CNTN4: variants seen among roughly 807,000 people sequenced by gnomAD.
The protein encoded by CNTN4 is contactin-4.
CNTN4 carries 77 observed loss-of-function variants against 122.5 expected under a neutral mutation model. The observed-to-expected ratio is 0.63, with a 90% CI of 0.52 to 0.76. The LOEUF (loss-of-function observed/expected upper bound fraction) is 0.76, where lower values mean the gene tolerates loss of function less well. CNTN4 is among the 30% of genes least tolerant of loss of function. CNTN4 has a pLI of 0.00. For synonymous variants in CNTN4, 512 were observed against 447.0 expected, an observed-to-expected ratio of 1.15 and a Z score of -1.83; for missense variants, 1,256 against 1,259.1, an observed-to-expected ratio of 1.00 and a Z score of 0.04.
chr3:2,410,668 G>A (rs925259687), intron 3 of CNTN4, among the ~76,000 whole-genome samples: 5 of 152,156 alleles, frequency 3.3e-5, no homozygotes, highest in East Asian at 1.9e-4. Flanking sequence ...TCTGAAGAAT[G>A]TATCAGCACA....
chr3:2,362,171 A>T (rs2045177080), intron 3 of CNTN4: 1 of 162,652 alleles, frequency 6.1e-6, no homozygotes, highest in Non-Finnish European at 1.3e-5. Flanking sequence ...CAGGGCCCAG[A>T]TCTATCAGGG....
At chr3:2,654,058 G>A (rs1291910209) in intron 4 of CNTN4, among the ~76,000 whole-genome samples, 1 of 152,186 alleles carries the variant, frequency 6.6e-6, no homozygotes, top group Non-Finnish European at 1.5e-5. Flanking sequence ...AGTGATGATA[G>A]AGCTTACAGT....
At chr3:2,927,114 G>A (rs2094480207) in intron 13 of CNTN4, among the ~76,000 whole-genome samples, 1 of 150,918 alleles carries the variant, frequency 6.6e-6, no homozygotes, top group African/African-American at 2.4e-5. Flanking sequence ...CATTTTAAAA[G>A]TTTTAATTTT....
chr3:2,523,553 G>C (rs567178516), intron 3 of CNTN4, among the ~76,000 whole-genome samples: 1 of 152,078 alleles, frequency 6.6e-6, no homozygotes, highest in Admixed American at 6.6e-5. Context: ...TTTTCTGAAA[G>C]ATTTATGCCT....
At chr3:2,777,069 C>T (rs1268562854) in intron 6 of CNTN4, among the ~76,000 whole-genome samples, 1 of 152,122 alleles carries the variant, frequency 6.6e-6, no homozygotes, top group African/African-American at 2.4e-5. Flanking sequence ...CAACCTCTGC[C>T]TCCCAGGTTC....
rs115415267 is a variant in CNTN4 at position 2,498,051 on chromosome 3, T to A, written c.-88-73365T>A. 8.0e-3 allele frequency among the ~76,000 whole-genome samples: 1,225 copies of A among 152,294 alleles called. 22 individuals carry two copies. The highest frequency in any genetic ancestry group is 0.028 in the African/African-American group (1,173 of 41,564). ...TAGAAATATAGTAAGTCAATGGTAGTAAAAAGTTGTTTATATCATGATATA... is the reference window on the plus strand; with the variant it reads ...TAGAAATATAGTAAGTCAATGGTAGAAAAAAGTTGTTTATATCATGATATA... On this transcript the variant is annotated intron_variant, in intron 3 of 24. Coordinates refer to ENST00000418658, the MANE Select transcript of CNTN4 (RefSeq NM_175607.3).
intron 2 of CNTN4, among the ~76,000 whole-genome samples, chr3:2,338,260 T>G (rs556845222): frequency 1.3e-5 from 2 of 152,054 alleles, no homozygotes; most frequent in African/African-American, 4.8e-5. Flanking sequence ...GTTAGGTATT[T>G]AATATAGAGA....
At chr3:2,943,380 G>A (rs112798162) in intron 13 of CNTN4, among the ~76,000 whole-genome samples, 1 of 151,932 alleles carries the variant, frequency 6.6e-6, no homozygotes, top group Admixed American at 6.6e-5. Context: ...ATTAGCCCAG[G>A]GAGAACAGGA....
intron 2 of CNTN4, among the ~76,000 whole-genome samples, chr3:2,128,411 T>C (rs1398639727): frequency 6.6e-6 from 1 of 152,228 alleles, no homozygotes; most frequent in South Asian, 2.1e-4. Context: ...GAATTATCAT[T>C]ACTGTTTTAC....
chr3:2,535,139 C>T (rs377142262), intron 3 of CNTN4, among the ~76,000 whole-genome samples: 87 of 152,180 alleles, frequency 5.7e-4, no homozygotes, highest in African/African-American at 1.2e-3. Context: ...GTCCTCTTTG[C>T]GTCTTCTGAG....
At chr3:2,511,710 T>A (rs2076892610) in intron 3 of CNTN4, 1 of 152,192 alleles carries the variant, frequency 6.6e-6, no homozygotes, top group African/African-American at 2.4e-5. Flanking sequence ...AAGTACCAGG[T>A]TTTACCCCCC....
intron 3 of CNTN4, among the ~76,000 whole-genome samples, chr3:2,542,322 AC>A (rs1269512587): frequency 6.6e-6 from 1 of 152,122 alleles, no homozygotes; most frequent in African/African-American, 2.4e-5. Flanking sequence ...GATAGGCAAA[AC>A]AGGACTTCCA....
chr3:3,015,708 C>T (rs933343207), intron 14 of CNTN4, among the ~76,000 whole-genome samples: 1 of 152,220 alleles, frequency 6.6e-6, no homozygotes, highest in Non-Finnish European at 1.5e-5. Flanking sequence ...TCCTTCCCCA[C>T]ATTGCACTGT....
At chr3:2,391,809 G>T (rs2046451332) in intron 3 of CNTN4, among the ~76,000 whole-genome samples, 1 of 152,094 alleles carries the variant, frequency 6.6e-6, no homozygotes, top group African/African-American at 2.4e-5. Flanking sequence ...ACTTACCGTA[G>T]CTAGCTTTTT....
At chr3:2,775,165 A>C (rs1228501469) in intron 6 of CNTN4, among the ~76,000 whole-genome samples, 13 of 152,232 alleles carry the variant, frequency 8.5e-5, no homozygotes, top group Admixed American at 8.5e-4. Flanking sequence ...GACTGTAACA[A>C]TTAAATGTTC....
chr3:2,328,906 G>A (rs2043590821), intron 2 of CNTN4, among the ~76,000 whole-genome samples: 1 of 151,874 alleles, frequency 6.6e-6, no homozygotes, highest in Non-Finnish European at 1.5e-5. Context: ...CCAAATCCTG[G>A]GCATGGGCAT....
chr3:2,969,456 C>T (rs1216265132), intron 13 of CNTN4, among the ~76,000 whole-genome samples: 1 of 152,104 alleles, frequency 6.6e-6, no homozygotes, highest in Non-Finnish European at 1.5e-5. Context: ...AATGGTGTTA[C>T]AGCCACCCAA....
At chr3:2,311,184 T>C (rs2042900753) in intron 2 of CNTN4, among the ~76,000 whole-genome samples, 1 of 152,110 alleles carries the variant, frequency 6.6e-6, no homozygotes, top group South Asian at 2.1e-4. Flanking sequence ...CCACTCCTGA[T>C]TCAACCTGTC....
At chr3:2,994,174 G>C (rs1695314048) in intron 14 of CNTN4, among the ~76,000 whole-genome samples, 1 of 151,920 alleles carries the variant, frequency 6.6e-6, no homozygotes, top group Non-Finnish European at 1.5e-5. Context: ...CAGCAGAACT[G>C]TTCCACCTTT....
Sources: allele counts gnomAD v4.1 joint callset (sites outside exome capture counted in the v4.1 genomes callset), GRCh38; gene constraint gnomAD v4.1.1; transcripts MANE v1.5; gene names NCBI Gene and HGNC (gene_info 2026-07-23, HGNC 2026-07-21).